The following CNTFR variants were observed in gnomAD, a reference collection of about 807,000 sequenced individuals.
The protein encoded by CNTFR is ciliary neurotrophic factor receptor subunit alpha.
CNTFR carries 12 observed loss-of-function variants against 40.4 expected under a neutral mutation model. The observed-to-expected ratio is 0.30, with a 90% CI of 0.19 to 0.48. The LOEUF (loss-of-function observed/expected upper bound fraction) is 0.48, where lower values mean the gene tolerates loss of function less well. Among genes scored for constraint, CNTFR ranks in the 20% least tolerant of loss-of-function variants. The pLI, the probability that CNTFR is intolerant of heterozygous loss-of-function variation, is 0.99. For synonymous variants in CNTFR, 202 were observed against 209.6 expected (o/e 0.96, Z 0.31); for missense variants, 414 against 506.8 (o/e 0.82, Z 1.76).
chr9:34,590,303 G>A (rs569901106), upstream of CNTFR, among the ~76,000 whole-genome samples: 3 of 152,070 alleles, frequency 2.0e-5, no homozygotes, highest in African/African-American at 7.2e-5. Context: ...ACTCCCGCAC[G>A]TTCAGGCCCT....
chr9:34,568,763 A>G, intron 3 of CNTFR, 134 bp downstream of exon 3: 1 of 753,334 alleles, frequency 1.3e-6, no homozygotes, highest in South Asian at 1.7e-5. Flanking sequence ...ACATGACTCC[A>G]TGTCCCTCTG....
chr9:34,585,086 G>A (rs1014872800), intron 1 of CNTFR, among the ~76,000 whole-genome samples: 1 of 152,150 alleles, frequency 6.6e-6, no homozygotes, highest in South Asian at 2.1e-4. Context: ...AGGGAGCCAG[G>A]CACATGGTCG....
At chr9:34,574,120 C>G (rs566930956) in intron 2 of CNTFR, among the ~76,000 whole-genome samples, 1 of 140,708 alleles carries the variant, frequency 7.1e-6, no homozygotes, top group Non-Finnish European at 1.5e-5. Flanking sequence ...GAGGCCTGAG[C>G]GGTCCAGAGG....
intron 1 of CNTFR, among the ~76,000 whole-genome samples, chr9:34,584,114 C>T (rs1303418359): frequency 6.6e-6 from 1 of 152,128 alleles, no homozygotes; most frequent in African/African-American, 2.4e-5. Flanking sequence ...TTTTGCCACA[C>T]TCTTATTTTG....
intron 2 of CNTFR, among the ~76,000 whole-genome samples, chr9:34,575,104 C>T (rs2132220444): frequency 6.6e-6 from 1 of 152,310 alleles, no homozygotes; most frequent in Admixed American, 6.5e-5. Flanking sequence ...CAGCCCCCTG[C>T]CTCTTGAATG....
intron 1 of CNTFR, among the ~76,000 whole-genome samples, chr9:34,581,688 G>T (rs1202132659): frequency 6.6e-6 from 1 of 152,198 alleles, no homozygotes; most frequent in Non-Finnish European, 1.5e-5. Context: ...TAATCTTCAT[G>T]ATTTCTCCAT....
At chr9:34,560,015 T>C (rs982711506) in intron 4 of CNTFR, among the ~76,000 whole-genome samples, 4 of 152,208 alleles carry the variant, frequency 2.6e-5, no homozygotes, top group Admixed American at 6.5e-5. Flanking sequence ...CTGGAGGCTT[T>C]GTCTGTCATC....
chr9:34,571,492 C>T (rs1329048506), intron 2 of CNTFR: 1 of 152,296 alleles, frequency 6.6e-6, no homozygotes, highest in Non-Finnish European at 1.5e-5. Context: ...AATGGGTGGC[C>T]TCTACTCCCA....
Position 34,588,598 on chromosome 9 carries a change from C to T in CNTFR, c.-112+957G>A, listed in dbSNP as rs145111967. Among the ~76,000 whole-genome samples, 1,258 of 152,288 alleles carry T rather than the reference C, an allele frequency of 8.3e-3. 8 individuals are homozygous for T. The highest frequency in any genetic ancestry group is 0.01 in the Middle Eastern group (3 of 294). On this transcript the variant is annotated intron_variant, in intron 1 of 9. Coordinates refer to ENST00000378980, the MANE Select transcript of CNTFR (RefSeq NM_147164.3). ...AAGCTGCCAGGCACACAGACACACA[C>T]AGACGCTTCTCAAAAAGAGAGACTA... is the stretch of plus-strand genomic sequence containing the variant.
At chr9:34,570,465 A>T (rs1444946039) in intron 2 of CNTFR, among the ~76,000 whole-genome samples, 1 of 152,234 alleles carries the variant, frequency 6.6e-6, no homozygotes, top group Non-Finnish European at 1.5e-5. Context: ...GAGCTAAGAC[A>T]CTGTCAGAAA....
rs183995376 is a variant in CNTFR, at chr9:34,556,182, G to A, written c.768+73C>T. 6.8e-5 allele frequency: 101 copies of A among 1,488,708 alleles called. No individual in the cohort carries two copies. The African/African-American group carries it at 1.3e-3, about 20-fold the overall frequency. The allele number at this position is 1,488,708 out of a possible 1,614,324, so 92.2% of individuals were successfully genotyped here. A position where few individuals can be genotyped will look rare whatever the true frequency, so the allele number is the denominator to read the frequency against. ...TCTCACACTGGAGCTGCTGCCACGT[G>A]GGATATGGGTGCCACTCACTGCACA... On this transcript the variant is annotated intron_variant, in intron 7 of 9. Transcript: ENST00000378980.
rs1455712561 is a variant in CNTFR, at chr9:34,557,196, G to T, written c.604+330C>A. Among the ~76,000 whole-genome samples, 1 of 151,578 alleles carries T rather than the reference G, an allele frequency of 6.6e-6. No individual in the cohort carries two copies. Among genetic ancestry groups the T allele is most frequent in the African/African-American group, 2.4e-5 (1 of 41,312 alleles). ...CCGTAAGGAAGCCATTAGAGTTGGG[G>T]GGGGGTGCGGTGGAGGCTGCAGCTG... On this transcript the variant is annotated intron_variant, in intron 6 of 9. Transcript: ENST00000378980. The surrounding 1 kb of genome is among the most constrained non-coding windows in gnomAD (Gnocchi z 4.2).
chr9:34,570,253 A>G (rs1398271873), intron 2 of CNTFR: 1 of 152,278 alleles, frequency 6.6e-6, no homozygotes, highest in Non-Finnish European at 1.5e-5. Flanking sequence ...TACACCAGAG[A>G]CTGTTAGAAG....
intron 1 of CNTFR, among the ~76,000 whole-genome samples, chr9:34,586,436 C>G (rs1827548842): frequency 6.6e-6 from 1 of 152,166 alleles, no homozygotes; most frequent in South Asian, 2.1e-4. Flanking sequence ...CTCCTACAAT[C>G]ACAGATTCAA....
Position 34,552,842 on chromosome 9 carries a change from C to G in CNTFR, c.781G>C (p.Asp261His). ...TCTGTGATGGTGTGTGCTGTGCCGT[C>G]GGACAGCTCCACCTGCAGCCAGACC... ...LDQWQHVELS[D>H]GTAHTITDAY... Residue 261 changes from aspartate (D) to histidine (H), a missense_variant, in exon 8 of 10, where the codon GAC becomes CAC. Physicochemically the swap from Asp to His is moderately conservative, Grantham distance 81. Around this residue, in one of 3 missense-constraint regions of CNTFR, gnomAD observed 83 missense variants for 145.0 expected, o/e 0.57. Coordinates refer to ENST00000378980, the MANE Select transcript of CNTFR (RefSeq NM_147164.3). The surrounding 1 kb of genome is among the most constrained non-coding windows in gnomAD (Gnocchi z 5.1). 1 of 1,611,624 alleles carries G rather than the reference C, an allele frequency of 6.2e-7. No homozygotes were observed. The highest frequency in any genetic ancestry group is 2.2e-5 in the East Asian group (1 of 44,862).
chr9:34,560,325 G>A (rs1302442665), intron 4 of CNTFR, among the ~76,000 whole-genome samples: 1 of 152,054 alleles, frequency 6.6e-6, no homozygotes, highest in African/African-American at 2.4e-5. Flanking sequence ...GTGTGTGGCT[G>A]TGAGACTCTG....
At chr9:34,590,732 C>T (rs989032841), upstream of CNTFR, among the ~76,000 whole-genome samples, 3 of 152,350 alleles carry the variant, frequency 2.0e-5, no homozygotes, top group Admixed American at 6.5e-5. Flanking sequence ...GCAGCCTGGG[C>T]CTCTGAGGGG....
At chr9:34,583,004 C>T (rs868662947) in intron 1 of CNTFR, among the ~76,000 whole-genome samples, 1 of 152,156 alleles carries the variant, frequency 6.6e-6, no homozygotes, top group South Asian at 2.1e-4. Flanking sequence ...TGTATAGCTA[C>T]GCACATTACA....
At chr9:34,576,633 C>T (rs1044939660) in intron 2 of CNTFR, among the ~76,000 whole-genome samples, 1 of 152,240 alleles carries the variant, frequency 6.6e-6, no homozygotes, top group African/African-American at 2.4e-5. Context: ...CCTTCTTCCC[C>T]AAACCCTGCT....
Sources: gnomAD v4.1 joint callset for allele counts (sites outside exome capture counted in the v4.1 genomes callset) on GRCh38, gnomAD v4.1.1 for gene constraint, gnomAD v4.1.1 regional missense constraint, Gnocchi (gnomAD v3.1) non-coding constraint, MANE v1.5 for transcripts, NCBI Gene and HGNC (gene_info 2026-07-23, HGNC 2026-07-21) for gene names.